Variants in STAMBP observed in about 807,000 individuals in gnomAD.
STAMBP encodes STAM binding protein.
STAMBP carries 31 observed loss-of-function variants against 50.7 expected under a neutral mutation model. The observed-to-expected ratio is 0.61, with a 90% CI of 0.46 to 0.83. The LOEUF is 0.83. Among genes scored for constraint, STAMBP ranks in the 40% least tolerant of loss-of-function variants. The pLI is 0.00. For synonymous variants in STAMBP, 211 were observed against 192.4 expected (o/e 1.10, Z -0.80); for missense variants, 472 against 518.9 (o/e 0.91, Z 0.88).
rs587784446 is a variant in STAMBP at position 73,862,240 on chromosome 2, CCAT to C, written c.1259_1261del (p.Ile420del). ...GTGACTGTTGTGGACAGAGCAGTGA[CCAT>C]CACAGACCTTCGATGAGCGTTTGAG... On this transcript the variant is annotated inframe_deletion, in exon 10 of 10. Coordinates refer to ENST00000394070, the MANE Select transcript of STAMBP (RefSeq NM_213622.4). 1 of 1,612,140 alleles carries C rather than the reference CCAT, an allele frequency of 6.2e-7. No homozygotes were observed.
chr2:73,835,728 G>A (rs1439902835), intron 2 of STAMBP, among the ~76,000 whole-genome samples: 2 of 152,186 alleles, frequency 1.3e-5, no homozygotes, highest in Non-Finnish European at 2.9e-5. Context: ...AAACGATAGG[G>A]TAGTCCATGT....
At chr2:73,860,322 A>G (rs901462186) in intron 9 of STAMBP, among the ~76,000 whole-genome samples, 171 bp downstream of exon 9, 1 of 152,160 alleles carries the variant, frequency 6.6e-6, no homozygotes, top group Non-Finnish European at 1.5e-5. Flanking sequence ...ACAGGAATAG[A>G]TTTGAATCTT....
At chr2:73,848,505 T>C (rs562892941) in intron 5 of STAMBP, among the ~76,000 whole-genome samples, 1 of 152,354 alleles carries the variant, frequency 6.6e-6, no homozygotes, top group African/African-American at 2.4e-5. Flanking sequence ...TTCAGATGAA[T>C]GGGCAGTGTC....
rs961695254 is a variant in STAMBP at position 73,863,195 on chromosome 2, C to G, written c.*936C>G. On this transcript the variant is annotated 3_prime_UTR_variant, in exon 10 of 10. Coordinates refer to ENST00000394070, the MANE Select transcript of STAMBP (RefSeq NM_213622.4). ...TTTGTTTGGAGTACCAGGTTACACT[C>G]CAATAAATGATTACATTTCCCAGCC... The G allele has an allele frequency of 2.6e-5, 4 of 152,218 alleles. No individual in the cohort carries two copies. The highest frequency in any genetic ancestry group is 4.4e-5 in the Non-Finnish European group (3 of 68,052). 9.4% of individuals were successfully genotyped at this position (152,218 alleles called of 1,614,324 possible). A position where few individuals can be genotyped will look rare whatever the true frequency, so the allele number is the denominator to read the frequency against.
At chr2:73,854,336 G>A (rs1677272827) in intron 7 of STAMBP, among the ~76,000 whole-genome samples, 4 of 152,168 alleles carry the variant, frequency 2.6e-5, no homozygotes, top group Non-Finnish European at 5.9e-5. Flanking sequence ...AGGAGATGGG[G>A]GAAAGTTTAG....
At chr2:73,868,837 T>C (rs1195282130), downstream of STAMBP, among the ~76,000 whole-genome samples, 1 of 151,924 alleles carries the variant, frequency 6.6e-6, no homozygotes, top group Non-Finnish European at 1.5e-5. Context: ...ATAGCGCCAC[T>C]GCACTCCAGC....
chr2:73,830,547 A>G (rs1233202803), intron 1 of STAMBP, among the ~76,000 whole-genome samples: 1 of 152,204 alleles, frequency 6.6e-6, no homozygotes, highest in Admixed American at 6.5e-5. Context: ...ATGGCAAAGG[A>G]TTTGATTAAC....
At chr2:73,872,615 T>C (rs889159005) in intron 10 of STAMBP, among the ~76,000 whole-genome samples, 1 of 152,222 alleles carries the variant, frequency 6.6e-6, no homozygotes, top group Non-Finnish European at 1.5e-5. Flanking sequence ...CGCAGAATCA[T>C]GAGCACCAAC....
intron 2 of STAMBP, among the ~76,000 whole-genome samples, 194 bp downstream of exon 2, chr2:73,831,253 T>A (rs1413740383): frequency 6.6e-6 from 1 of 152,260 alleles, no homozygotes; most frequent in African/African-American, 2.4e-5. Context: ...CTCAGTAATT[T>A]ATGAGTAAGA....
At chr2:73,841,318 TG>T in intron 2 of STAMBP, among the ~76,000 whole-genome samples, 1 of 152,348 alleles carries the variant, frequency 6.6e-6, no homozygotes, top group Non-Finnish European at 1.5e-5. Context: ...AACCTGTATA[TG>T]ATGCTGGTGT....
At chr2:73,870,786 A>G (rs1355740025), downstream of STAMBP, among the ~76,000 whole-genome samples, 1 of 152,160 alleles carries the variant, frequency 6.6e-6, no homozygotes, top group African/African-American at 2.4e-5. Context: ...CCATCAAAAT[A>G]TTTCCATGCC....
chr2:73,855,622 G>A (rs1487821934), intron 7 of STAMBP: 3 of 456,102 alleles, frequency 6.6e-6, no homozygotes, highest in South Asian at 1.5e-5. Context: ...TTCTCATCAG[G>A]TAGAAACTTT....
chr2:73,847,855 G>A (rs1676328092), intron 5 of STAMBP, 102 bp downstream of exon 5: 2 of 1,446,408 alleles, frequency 1.4e-6, no homozygotes, highest in Non-Finnish European at 1.9e-6. Context: ...CACTCATTAA[G>A]CTTTGGTCAC....
At chr2:73,872,542 G>A (rs1048642513) in intron 10 of STAMBP, among the ~76,000 whole-genome samples, 1 of 152,076 alleles carries the variant, frequency 6.6e-6, no homozygotes, top group Non-Finnish European at 1.5e-5. Context: ...TCAAGGAGCA[G>A]ATAAGTAAGA....
In STAMBP at chr2:73,831,956, G is replaced by A. The variant is rs1018092158; in HGVS notation, c.203+897G>A. Among the ~76,000 whole-genome samples the A allele has an allele frequency of 2.0e-5, 3 of 151,866 alleles. 1 individual carries two copies. Among genetic ancestry groups the A allele is most frequent in the Admixed American group, 2.0e-4 (3 of 15,250 alleles). ...AATTCAGGATTTGTTCTACAACATAGGTCCTGTTCTTCTTGTTTTCCATTT... is the reference window on the plus strand; with the variant it reads ...AATTCAGGATTTGTTCTACAACATAAGTCCTGTTCTTCTTGTTTTCCATTT... On this transcript the variant is annotated intron_variant, in intron 2 of 9. Transcript: ENST00000394070.
chr2:73,845,780 C>T (rs747783709), intron 4 of STAMBP, among the ~76,000 whole-genome samples: 3 of 151,902 alleles, frequency 2.0e-5, no homozygotes, highest in Non-Finnish European at 4.4e-5. Flanking sequence ...TACAGGCATC[C>T]GCCACCATAC....
At chr2:73,849,224 G>T in intron 5 of STAMBP, 139 bp from the exon 6 acceptor site, 2 of 1,265,708 alleles carry the variant, frequency 1.6e-6, no homozygotes, top group Admixed American at 2.1e-5. Context: ...GGTGCCATTA[G>T]AATGAGATCC....
intron 2 of STAMBP, among the ~76,000 whole-genome samples, chr2:73,839,858 G>A (rs1675160705): frequency 6.6e-6 from 1 of 152,154 alleles, no homozygotes; most frequent in African/African-American, 2.4e-5. Flanking sequence ...TCACAGTAGT[G>A]TCTTTCCATA....
At position 73,847,599 on chromosome 2, in the gene STAMBP, A is replaced by AG; in HGVS notation, c.589dup (p.Val197GlyfsTer3). On this transcript the variant is annotated frameshift_variant, in exon 5 of 10. Transcript: ENST00000394070. LOFTEE classifies it high-confidence loss of function. ...TAGACCCTGGCCTAGGTGGCCCGCT[A>AG]GTGCCTGACTTGGAGAAGCCCTCCT... 1.2e-6 allele frequency: 2 copies of AG among 1,614,216 alleles called. No homozygotes were observed. The highest frequency in any genetic ancestry group is 1.7e-6 in the Non-Finnish European group (2 of 1,180,034).
Sources: gnomAD v4.1 joint callset for allele counts (sites outside exome capture counted in the v4.1 genomes callset) on GRCh38, gnomAD v4.1.1 for gene constraint, MANE v1.5 for transcripts, NCBI Gene and HGNC (gene_info 2026-07-23, HGNC 2026-07-21) for gene names.